GPHN: variants seen among roughly 807,000 people sequenced by gnomAD.
The protein encoded by GPHN is gephyrin.
GPHN carries 17 observed loss-of-function variants against 95.5 expected under a neutral mutation model. The ratio of observed to expected loss-of-function variants is 0.18; its 90% CI spans 0.12 to 0.27. The LOEUF is 0.27. Among genes scored for constraint, GPHN ranks in the 10% least tolerant of loss-of-function variants. The probability of loss-of-function intolerance (pLI) is 1.00; values close to 1 mark genes in which losing one functional copy is unlikely to be tolerated. For synonymous variants in GPHN, 320 were observed against 322.5 expected (o/e 0.99, Z 0.08); for missense variants, 660 against 978.1 (o/e 0.67, Z 4.34).
At chr14:67,204,977 T>C in the GPHN span, 1 of 1,584,920 alleles carries the variant, frequency 6.3e-7, no homozygotes. Context: ...ACAGAAGTCA[T>C]AGAAGTCAGA....
the GPHN span, among the ~76,000 whole-genome samples, chr14:67,489,914 T>C: frequency 2.6e-5 from 4 of 151,274 alleles, no homozygotes; most frequent in South Asian, 2.1e-4. Context: ...GGCGTGAACC[T>C]GGGAGGCAGA....
chr14:67,616,788 A>T, the GPHN span: 3 of 152,056 alleles, frequency 2.0e-5, no homozygotes, highest in Non-Finnish European at 4.4e-5. Flanking sequence ...CCTCATACAC[A>T]TATCCTGAAG....
the GPHN span, among the ~76,000 whole-genome samples, chr14:67,552,506 G>A: frequency 3.4e-4 from 52 of 152,328 alleles, no homozygotes; most frequent in Non-Finnish European, 5.9e-4. Flanking sequence ...GGTGGCTCAC[G>A]CCTGTAATTC....
chr14:66,898,913 A>G (rs1425256901), intron 5 of GPHN, among the ~76,000 whole-genome samples: 1 of 151,932 alleles, frequency 6.6e-6, no homozygotes, highest in Non-Finnish European at 1.5e-5. Flanking sequence ...AGTTTTCAGT[A>G]TAAAAAGTCT....
chr14:67,175,841 T>C (rs2082909312), intron 21 of GPHN, among the ~76,000 whole-genome samples: 2 of 152,238 alleles, frequency 1.3e-5, no homozygotes, highest in South Asian at 4.1e-4. Context: ...TTTGTATCAA[T>C]TGTGAATGGG....
chr14:66,718,611 A>C (rs2070422704), intron 2 of GPHN, among the ~76,000 whole-genome samples: 1 of 151,962 alleles, frequency 6.6e-6, no homozygotes, highest in Non-Finnish European at 1.5e-5. Context: ...CATTTTACAG[A>C]GTGCTGATTG....
the GPHN span, chr14:67,726,928 T>C: frequency 1.3e-6 from 2 of 1,545,578 alleles, no homozygotes; most frequent in Admixed American, 3.4e-5. Flanking sequence ...TCCCACATGC[T>C]GAGCCTGGGC....
intron 3 of GPHN, among the ~76,000 whole-genome samples, chr14:66,806,573 T>C: frequency 6.6e-6 from 1 of 152,210 alleles, no homozygotes. Flanking sequence ...AAGTCACCCA[T>C]TGAATGCTTT....
intron 1 of GPHN, among the ~76,000 whole-genome samples, chr14:66,571,211 G>C (rs2060676658): frequency 1.3e-5 from 2 of 152,138 alleles, no homozygotes; most frequent in Non-Finnish European, 2.9e-5. Flanking sequence ...GGAGAGCGAA[G>C]AGAGGGTGAA....
chr14:67,207,647 C>T, the GPHN span, among the ~76,000 whole-genome samples: 1 of 152,120 alleles, frequency 6.6e-6, no homozygotes, highest in Non-Finnish European at 1.5e-5. Context: ...GACCAACTGC[C>T]TTGAGCCCTA....
intron 9 of GPHN, among the ~76,000 whole-genome samples, chr14:67,004,854 G>A (rs957670779): frequency 2.0e-5 from 3 of 151,592 alleles, no homozygotes; most frequent in African/African-American, 7.3e-5. Context: ...TCCAAGTTCA[G>A]ACATCTTGGA....
chr14:67,662,572 G>A, the GPHN span: 16 of 1,559,154 alleles, frequency 1.0e-5, no homozygotes, highest in Non-Finnish European at 8.8e-7. Context: ...GCTTATTACT[G>A]TTTCCACACA....
At chr14:67,222,096 A>G in the GPHN span, 77 of 341,082 alleles carry the variant, frequency 2.3e-4, no homozygotes, top group African/African-American at 1.4e-3. Context: ...TAAATCATCA[A>G]GCATAAACCA....
At chr14:67,559,886 C>G in the GPHN span, among the ~76,000 whole-genome samples, 3 of 152,164 alleles carry the variant, frequency 2.0e-5, no homozygotes, top group Non-Finnish European at 4.4e-5. Flanking sequence ...TTGGGTCTCC[C>G]TGGAGCTCCT....
chr14:66,791,203 A>C (rs1174860541), intron 3 of GPHN, among the ~76,000 whole-genome samples: 1 of 152,090 alleles, frequency 6.6e-6, no homozygotes, highest in African/African-American at 2.4e-5. Context: ...GTACCCCACC[A>C]CTTACTGAAA....
the GPHN span, chr14:67,563,013 G>A: frequency 1.9e-6 from 2 of 1,027,642 alleles, no homozygotes; most frequent in South Asian, 3.4e-5. Context: ...TGGTGGCCCT[G>A]GCAGGCAGGT....
the GPHN span, chr14:67,569,999 C>T: frequency 5.6e-6 from 9 of 1,598,032 alleles, no homozygotes; most frequent in Non-Finnish European, 6.8e-6. Flanking sequence ...CCTGTCTACA[C>T]AGCACTGAAG....
intron 1 of GPHN, among the ~76,000 whole-genome samples, chr14:66,602,329 A>AT (rs1033670850): frequency 1.3e-5 from 2 of 151,614 alleles, no homozygotes; most frequent in Admixed American, 1.3e-4. Flanking sequence ...CTAATCCATA[A>AT]TTTTTTTTCA....
At chr14:66,986,412 A>G (rs751829415) in intron 9 of GPHN, among the ~76,000 whole-genome samples, 6 of 152,122 alleles carry the variant, frequency 3.9e-5, no homozygotes, top group Non-Finnish European at 4.4e-5. Flanking sequence ...ATAACCTGCT[A>G]ATATACAATT....
Sources: gnomAD v4.1 joint callset for allele counts (sites outside exome capture counted in the v4.1 genomes callset) on GRCh38, gnomAD v4.1.1 for gene constraint, MANE v1.5 for transcripts, NCBI Gene and HGNC (gene_info 2026-07-23, HGNC 2026-07-21) for gene names.